ZNF423: variants seen among roughly 807,000 people sequenced by gnomAD.
ZNF423 encodes the protein zinc finger protein 423.
Under a neutral mutation model 95.8 loss-of-function variants are expected in ZNF423, and 12 were observed. The observed-to-expected ratio is 0.13, with a 90% CI of 0.08 to 0.20. The LOEUF is 0.20. Among genes scored for constraint, ZNF423 ranks in the 10% least tolerant of loss-of-function variants. ZNF423 has a pLI of 1.00. For synonymous variants in ZNF423, 749 were observed against 711.9 expected (o/e 1.05, Z -0.83); for missense variants, 1,316 against 1,737.1 (o/e 0.76, Z 4.31).
In ZNF423 at chr16:49,826,595, T is replaced by C. The variant is rs144423359; in HGVS notation, c.40+29140A>G. Among the ~76,000 whole-genome samples, 1,310 of 152,242 alleles carry C rather than the reference T, an allele frequency of 8.6e-3. 11 individuals carry two copies. The highest frequency in any genetic ancestry group is 0.014 in the Non-Finnish European group (932 of 68,000). Reference sequence around the variant, plus strand: ...GAATAACAGCACCAACCTCATAGAGTTGCTGTGAGAATCGAAAGAACTGAA... The same window carrying C: ...GAATAACAGCACCAACCTCATAGAGCTGCTGTGAGAATCGAAAGAACTGAA... On this transcript the variant is annotated intron_variant, in intron 1 of 7. Coordinates refer to ENST00000563137, the MANE Select transcript of ZNF423 (RefSeq NM_001379286.1).
At chr16:49,620,132 T>TACAC (rs56739115) in intron 5 of ZNF423, among the ~76,000 whole-genome samples, 8,177 of 143,754 alleles carry the variant, frequency 0.057, 238 homozygotes, top group Non-Finnish European at 0.069. Flanking sequence ...CTCTCTCTTC[T>TACAC]ACACACACAC....
intron 1 of ZNF423, among the ~76,000 whole-genome samples, chr16:49,830,634 C>T (rs990040172): frequency 6.6e-6 from 1 of 152,156 alleles, no homozygotes; most frequent in African/African-American, 2.4e-5. Context: ...GGGAGCTTCT[C>T]TCTCCTGGTC....
Position 49,637,530 on chromosome 16 carries a change from C to G in ZNF423, c.1646G>C (p.Cys549Ser), listed in dbSNP as rs745794633. ...SLTEHIQQAHCSVGSAKLESP... is the reference protein window; with the variant it reads ...SLTEHIQQAHSSVGSAKLESP... The stretch of plus-strand genomic sequence containing the variant: ...CTCTAGTTTGGCACTGCCCACACTG[C>G]AGTGGGCCTGCTGGATGTGCTCGGT... Residue 549 changes from cysteine (C) to serine (S), a missense_variant, in exon 4 of 8, where the codon TGC (cysteine) becomes TCC (serine). Physicochemically the swap from Cys to Ser is moderately radical, Grantham distance 112 (BLOSUM62 -1). This residue lies in a region of ZNF423 where 399 missense variants were observed against 478.5 expected (regional missense o/e 0.83). Coordinates refer to ENST00000563137, the MANE Select transcript of ZNF423 (RefSeq NM_001379286.1). This position sits in a 1 kb window ranked among gnomAD's most constrained non-coding sequence, Gnocchi z 5.6. The G allele has an allele frequency of 1.2e-6, 2 of 1,614,010 alleles. No homozygotes were observed. Among genetic ancestry groups the G allele is most frequent in the Non-Finnish European group, 1.7e-6 (2 of 1,180,008 alleles).
chr16:49,756,754 T>C (rs1338596279), intron 2 of ZNF423, among the ~76,000 whole-genome samples: 3 of 152,162 alleles, frequency 2.0e-5, no homozygotes, highest in Non-Finnish European at 4.4e-5. Flanking sequence ...GCACGGGTCA[T>C]GGGTGGGCTG....
At position 49,763,543 on chromosome 16, in the gene ZNF423, G is replaced by A. The variant is rs186730131; in HGVS notation, c.100+25944C>T. On this transcript the variant is annotated intron_variant, in intron 2 of 7. Coordinates refer to ENST00000563137, the MANE Select transcript of ZNF423 (RefSeq NM_001379286.1). ...GGTATGGGACATTCCCTGCACCCCA[G>A]TAGGTTCCCACATGTCCCTCCAAAG... Among the ~76,000 whole-genome samples, 110 of 152,212 alleles carry A rather than the reference G, an allele frequency of 7.2e-4. 2 individuals carry two copies. In the East Asian group the frequency reaches 0.02, roughly 28 times the overall value.
chr16:49,725,002 G>A (rs1227114880), intron 3 of ZNF423, among the ~76,000 whole-genome samples: 2 of 152,148 alleles, frequency 1.3e-5, no homozygotes, highest in African/African-American at 4.8e-5. Flanking sequence ...GTGTTCTCAA[G>A]CACAGGCAAG....
At chr16:49,700,215 A>AAGAAG (rs1555473665) in intron 3 of ZNF423, among the ~76,000 whole-genome samples, 3 of 136,106 alleles carry the variant, frequency 2.2e-5, no homozygotes, top group Admixed American at 7.3e-5. Context: ...AAAAAAAAAA[A>AAGAAG]AACAAGAAGA....
At chr16:49,691,815 A>G (rs1350866978) in intron 3 of ZNF423, among the ~76,000 whole-genome samples, 1 of 152,132 alleles carries the variant, frequency 6.6e-6, no homozygotes, top group Non-Finnish European at 1.5e-5. Context: ...GTGGCTGCAC[A>G]AGGGAAGCGC....
intron 1 of ZNF423, among the ~76,000 whole-genome samples, chr16:49,809,492 A>G (rs1388028292): frequency 6.6e-6 from 1 of 152,216 alleles, no homozygotes; most frequent in Non-Finnish European, 1.5e-5. Flanking sequence ...AAGCCAGTGC[A>G]GCCTGTGTGT....
chr16:49,565,236 T>C (rs1970152895), intron 5 of ZNF423, among the ~76,000 whole-genome samples: 1 of 152,224 alleles, frequency 6.6e-6, no homozygotes, highest in Non-Finnish European at 1.5e-5. Flanking sequence ...AGAAATGCAC[T>C]GTCCAGCTCT....
At chr16:49,728,786 G>A (rs768448508) in intron 3 of ZNF423, among the ~76,000 whole-genome samples, 1 of 152,300 alleles carries the variant, frequency 6.6e-6, no homozygotes, top group Middle Eastern at 3.4e-3. Context: ...AGGCCAGAGT[G>A]CAGTGGCATG....
intron 3 of ZNF423, among the ~76,000 whole-genome samples, chr16:49,711,046 C>T (rs139679035): frequency 6.5e-4 from 99 of 151,782 alleles, no homozygotes; most frequent in African/African-American, 2.3e-3. Context: ...ACTAGGGTGA[C>T]GACTGTGGAA....
intron 1 of ZNF423, among the ~76,000 whole-genome samples, chr16:49,822,478 G>T (rs1382302353): frequency 6.6e-6 from 1 of 152,090 alleles, no homozygotes; most frequent in African/African-American, 2.4e-5. Flanking sequence ...CCGGCCCCCT[G>T]CAGGAATTTT....
chr16:49,644,591 A>G (rs1281545123), intron 3 of ZNF423, among the ~76,000 whole-genome samples: 1 of 137,374 alleles, frequency 7.3e-6, no homozygotes, highest in East Asian at 2.4e-4. Flanking sequence ...TGAGCCCATG[A>G]GTTTGAGGCC....
At chr16:49,670,396 C>T (rs2030753217) in intron 3 of ZNF423, among the ~76,000 whole-genome samples, 2 of 152,254 alleles carry the variant, frequency 1.3e-5, no homozygotes, top group South Asian at 4.1e-4. Context: ...TGTCCCAGCT[C>T]AGCAGGCTGG....
chr16:49,701,254 G>A (rs983016730), intron 3 of ZNF423, among the ~76,000 whole-genome samples: 9 of 152,242 alleles, frequency 5.9e-5, no homozygotes, highest in Admixed American at 2.0e-4. Context: ...GCGTGCATGC[G>A]CACGTGTGTG....
At chr16:49,675,549 C>T (rs942689107) in intron 3 of ZNF423, among the ~76,000 whole-genome samples, 11 of 152,082 alleles carry the variant, frequency 7.2e-5, no homozygotes, top group South Asian at 2.1e-4. Context: ...CCCACAACCA[C>T]GCTGCACCAC....
In ZNF423 at chr16:49,636,295, G is replaced by A. The variant is rs372390262; in HGVS notation, c.2881C>T (p.Arg961Trp). ...NGLREHLQTH[R>W]GPAKHYMCPI... The stretch of plus-strand genomic sequence containing the variant: ...CACATGTAGTGCTTGGCAGGGCCCC[G>A]GTGCGTCTGCAGGTGCTCCCGTAGC... The change falls in exon 4 of 8, where the codon CGG becomes TGG. Residue 961 changes from arginine to tryptophan, a missense_variant. Transcript: ENST00000563137. The surrounding 1 kb of genome is among the most constrained non-coding windows in gnomAD (Gnocchi z 8.6). 62 of 1,612,516 alleles carry A rather than the reference G, an allele frequency of 3.8e-5. No homozygotes were observed. Among genetic ancestry groups the A allele is most frequent in the South Asian group, 1.4e-4 (13 of 91,080 alleles).
At chr16:49,676,740 C>T in intron 3 of ZNF423, among the ~76,000 whole-genome samples, 1 of 152,230 alleles carries the variant, frequency 6.6e-6, no homozygotes, top group Admixed American at 6.5e-5. Flanking sequence ...CAAACCACAT[C>T]AGTTGAACAA....
Sources: gnomAD v4.1 joint callset for allele counts (sites outside exome capture counted in the v4.1 genomes callset) on GRCh38, gnomAD v4.1.1 for gene constraint, gnomAD v4.1.1 regional missense constraint, Gnocchi (gnomAD v3.1) non-coding constraint, MANE v1.5 for transcripts, NCBI Gene and HGNC (gene_info 2026-07-23, HGNC 2026-07-21) for gene names.